CDK5RAP2: variants seen among roughly 807,000 people sequenced by gnomAD.
CDK5RAP2 encodes the protein CDK5 regulatory subunit-associated protein 2.
CDK5RAP2 carries 147 observed loss-of-function variants against 232.9 expected under a neutral mutation model. The ratio of observed to expected loss-of-function variants is 0.63; its 90% CI spans 0.55 to 0.72. The LOEUF is 0.72. Among genes scored for constraint, CDK5RAP2 ranks in the 30% least tolerant of loss-of-function variants. CDK5RAP2 has a pLI of 0.00. For missense variants in CDK5RAP2, 2,195 were observed against 2,231.5 expected (o/e 0.98, Z 0.33); for synonymous variants, 833 against 833.7 (o/e 1.00, Z 0.01).
rs546966794 is a variant in CDK5RAP2, at chr9:120,528,115, C to A, written c.880-190G>T. On this transcript the variant is annotated intron_variant, in intron 9 of 37. Coordinates refer to ENST00000349780, the MANE Select transcript of CDK5RAP2 (RefSeq NM_018249.6). ...GTTACTGTGTTACCGCTCCCGGCAACAGGGCTGGGTGAAGGGGAAGGGGAT... is the reference window on the plus strand; with the variant it reads ...GTTACTGTGTTACCGCTCCCGGCAAAAGGGCTGGGTGAAGGGGAAGGGGAT... Among the ~76,000 whole-genome samples the A allele has an allele frequency of 1.8e-4, 28 of 152,298 alleles. 1 individual carries two copies. Among genetic ancestry groups the A allele is most frequent in the African/African-American group, 6.0e-4 (25 of 41,552 alleles).
intron 12 of CDK5RAP2, among the ~76,000 whole-genome samples, chr9:120,493,699 ACAGT>A (rs1435674069): frequency 2.0e-5 from 3 of 152,204 alleles, no homozygotes; most frequent in Non-Finnish European, 4.4e-5. Context: ...CATTACAGAA[ACAGT>A]CAGCAAAATC....
chr9:120,427,212 T>C (rs2034964696), intron 25 of CDK5RAP2, among the ~76,000 whole-genome samples: 1 of 152,210 alleles, frequency 6.6e-6, no homozygotes, highest in African/African-American at 2.4e-5. Context: ...CCTGGGCCAC[T>C]CTGTGTCTTG....
intron 17 of CDK5RAP2, among the ~76,000 whole-genome samples, chr9:120,469,207 C>T (rs1250832293): frequency 6.6e-6 from 1 of 152,204 alleles, no homozygotes; most frequent in Non-Finnish European, 1.5e-5. Context: ...TTTTCTCTTT[C>T]TCTGCTGAGA....
At chr9:120,431,343 G>C (rs2035276438) in intron 25 of CDK5RAP2, among the ~76,000 whole-genome samples, 1 of 152,148 alleles carries the variant, frequency 6.6e-6, no homozygotes, top group South Asian at 2.1e-4. Flanking sequence ...GTGGTTAGGA[G>C]GGTAGACTGT....
At chr9:120,514,362 T>C (rs2040227086) in intron 12 of CDK5RAP2, among the ~76,000 whole-genome samples, 1 of 152,066 alleles carries the variant, frequency 6.6e-6, no homozygotes, top group Non-Finnish European at 1.5e-5. Context: ...GCCAATGATG[T>C]TATACACACG....
At chr9:120,567,555 G>A (rs964014884) in intron 3 of CDK5RAP2, among the ~76,000 whole-genome samples, 1 of 152,114 alleles carries the variant, frequency 6.6e-6, no homozygotes, top group Non-Finnish European at 1.5e-5. Context: ...AAAGAGAACT[G>A]GAATTGGGAA....
chr9:120,525,623 T>C (rs967856936), intron 10 of CDK5RAP2, among the ~76,000 whole-genome samples: 3 of 145,902 alleles, frequency 2.1e-5, no homozygotes, highest in Non-Finnish European at 4.7e-5. Flanking sequence ...TGTTGACTTT[T>C]TTTTTTTCCT....
intron 19 of CDK5RAP2, among the ~76,000 whole-genome samples, 191 bp from the exon 20 acceptor site, chr9:120,458,813 A>G (rs1371458561): frequency 6.6e-6 from 1 of 152,192 alleles, no homozygotes; most frequent in Non-Finnish European, 1.5e-5. Context: ...AGGTGCATAC[A>G]TACTCACTTT....
intron 27 of CDK5RAP2, among the ~76,000 whole-genome samples, chr9:120,415,369 G>A (rs533294980): frequency 6.6e-6 from 1 of 152,304 alleles, no homozygotes; most frequent in South Asian, 2.1e-4. Context: ...AGCCCTCCAT[G>A]AGGAAGATAT....
At chr9:120,441,487 A>G (rs2035893766) in intron 23 of CDK5RAP2, among the ~76,000 whole-genome samples, 1 of 152,252 alleles carries the variant, frequency 6.6e-6, no homozygotes, top group Non-Finnish European at 1.5e-5. Flanking sequence ...TAACACAAAC[A>G]TCCTCTAACC....
Position 120,403,061 on chromosome 9 carries a change from A to C in CDK5RAP2, c.5052T>G (p.Thr1684=). ...CCGTGTCATTCCCAGAGAGTGGAGGAGTCTCTGAAACTGTAAAATGAGAAG... is the reference window on the plus strand; with the variant it reads ...CCGTGTCATTCCCAGAGAGTGGAGGCGTCTCTGAAACTGTAAAATGAGAAG... The part of the protein sequence containing the change: ...QAVTPKSVSE[T]PPLSGNDTDS... Residue 1684 remains threonine (T), a synonymous_variant, in exon 34 of 38, where the codon ACT becomes ACG. Transcript: ENST00000349780. This position sits in a 1 kb window ranked among gnomAD's most constrained non-coding sequence, Gnocchi z 4.2. The C allele has an allele frequency of 6.2e-7, 1 of 1,614,150 alleles. No individual in the cohort carries two copies. Among genetic ancestry groups the C allele is most frequent in the Admixed American group, 1.7e-5 (1 of 60,024 alleles).
intron 4 of CDK5RAP2, among the ~76,000 whole-genome samples, chr9:120,548,193 G>T (rs934644436): frequency 6.6e-6 from 1 of 152,212 alleles, no homozygotes; most frequent in Non-Finnish European, 1.5e-5. Context: ...AGGACACTGG[G>T]TGACAGTGTA....
chr9:120,509,562 A>C (rs1446709773), intron 12 of CDK5RAP2, among the ~76,000 whole-genome samples: 1 of 152,240 alleles, frequency 6.6e-6, no homozygotes, highest in Admixed American at 6.5e-5. Context: ...AGTGAAGCTG[A>C]GATTGCAACC....
At chr9:120,448,559 C>A (rs561291844) in intron 21 of CDK5RAP2, among the ~76,000 whole-genome samples, 1 of 152,172 alleles carries the variant, frequency 6.6e-6, no homozygotes, top group Admixed American at 6.5e-5. Flanking sequence ...GCCAACCCAG[C>A]GGATATTTCC....
intron 5 of CDK5RAP2, among the ~76,000 whole-genome samples, chr9:120,541,303 T>C (rs563729420): frequency 1.4e-4 from 22 of 152,352 alleles, no homozygotes; most frequent in African/African-American, 5.3e-4. Flanking sequence ...GCTGTCTAAA[T>C]CACATACATT....
At position 120,518,661 on chromosome 9, in the gene CDK5RAP2, G is replaced by A. The variant is rs1421110809; in HGVS notation, c.1093-16C>T. ...CTTCAGACCCCTAGAAGAGAAGGCA[G>A]AGAAGCAAGATGAGCTAATTTTCAT... On this transcript the variant is annotated splice_polypyrimidine_tract_variant and intron_variant, in intron 11 of 37. Coordinates refer to ENST00000349780, the MANE Select transcript of CDK5RAP2 (RefSeq NM_018249.6). The A allele has an allele frequency of 6.2e-7, 1 of 1,605,032 alleles. No individual in the cohort carries two copies. The highest frequency in any genetic ancestry group is 2.2e-5 in the East Asian group (1 of 44,814).
chr9:120,499,254 G>T (rs1049722125), intron 12 of CDK5RAP2, among the ~76,000 whole-genome samples: 1 of 152,198 alleles, frequency 6.6e-6, no homozygotes, highest in African/African-American at 2.4e-5. Flanking sequence ...AGGAGGGAGT[G>T]AGGGGGAGGG....
intron 3 of CDK5RAP2, among the ~76,000 whole-genome samples, chr9:120,558,018 G>A (rs1300793891): frequency 1.4e-5 from 2 of 146,980 alleles, no homozygotes; most frequent in African/African-American, 2.5e-5. Flanking sequence ...TGCCCACCTC[G>A]GCCTCCCAAA....
chr9:120,526,694 C>T (rs988732033), intron 10 of CDK5RAP2, among the ~76,000 whole-genome samples: 2 of 152,152 alleles, frequency 1.3e-5, no homozygotes, highest in African/African-American at 4.8e-5. Flanking sequence ...TTAAGTGCCA[C>T]TTAAGCAGCT....
Sources: gnomAD v4.1 joint callset for allele counts (sites outside exome capture counted in the v4.1 genomes callset) on GRCh38, gnomAD v4.1.1 for gene constraint, Gnocchi (gnomAD v3.1) non-coding constraint, MANE v1.5 for transcripts, NCBI Gene and HGNC (gene_info 2026-07-23, HGNC 2026-07-21) for gene names.